DENND1B: variants seen among roughly 807,000 people sequenced by gnomAD.
DENND1B encodes the protein DENN domain-containing protein 1B.
In DENND1B, 59 loss-of-function variants were observed where a neutral mutation model predicts 90.1. That is an observed-to-expected ratio of 0.65 (90% CI 0.53 to 0.81). The LOEUF is 0.81. DENND1B is among the 40% of genes least tolerant of loss of function. The pLI, the probability that DENND1B is intolerant of heterozygous loss-of-function variation, is 0.00. For missense variants in DENND1B, 862 were observed against 912.6 expected (o/e 0.94, Z 0.71); for synonymous variants, 337 against 324.6 (o/e 1.04, Z -0.41).
At chr1:197,521,826 T>C (rs925485379) in intron 20 of DENND1B, among the ~76,000 whole-genome samples, 1 of 152,058 alleles carries the variant, frequency 6.6e-6, no homozygotes, top group African/African-American at 2.4e-5. Context: ...CTGTATTTTA[T>C]TTCATTTAAA....
rs763224056 is a variant in DENND1B, at chr1:197,507,294, G to C, written c.*3166C>G. 2.7e-5 allele frequency: 4 copies of C among 150,766 alleles called. No individual in the cohort carries two copies. Among genetic ancestry groups the C allele is most frequent in the Non-Finnish European group, 4.4e-5 (3 of 67,422 alleles). The allele number at this position is 150,766 out of a possible 1,614,324, so 9.3% of individuals were successfully genotyped here. ...TCCTCAGTTACTGTACCCTGCATAT[G>C]ACTGGTACAAAAAGTCAATGAATAG... On this transcript the variant is annotated 3_prime_UTR_variant, in exon 23 of 23. Coordinates refer to ENST00000620048, the MANE Select transcript of DENND1B (RefSeq NM_001195215.2).
At position 197,635,991 on chromosome 1, in the gene DENND1B, GA is replaced by G. The variant is rs1253576465; in HGVS notation, c.672+6719del. ...AACAAGATTAAAAAAAAAAAAGAAA[GA>G]AAAAAAAACCCGCCCTGATAACTTT... is the stretch of plus-strand genomic sequence containing the variant. On this transcript the variant is annotated intron_variant, in intron 10 of 22. Coordinates refer to ENST00000620048, the MANE Select transcript of DENND1B (RefSeq NM_001195215.2). Among the ~76,000 whole-genome samples the G allele has an allele frequency of 2.7e-5, 4 of 147,226 alleles. No homozygotes were observed. In the South Asian group the frequency reaches 6.5e-4, roughly 24 times the overall value.
At chr1:197,725,247 C>T (rs2102290941) in intron 2 of DENND1B, among the ~76,000 whole-genome samples, 1 of 152,178 alleles carries the variant, frequency 6.6e-6, no homozygotes, top group South Asian at 2.1e-4. Flanking sequence ...AAACTACATA[C>T]ATTATTACAT....
intron 2 of DENND1B, chr1:197,735,410 C>T (rs1662548423): frequency 1.4e-6 from 2 of 1,421,166 alleles, no homozygotes; most frequent in Non-Finnish European, 1.8e-6. Context: ...TCAGAGAATT[C>T]ACTGTTAAAA....
chr1:197,544,342 G>A (rs1422199124), intron 18 of DENND1B, among the ~76,000 whole-genome samples: 1 of 152,128 alleles, frequency 6.6e-6, no homozygotes, highest in East Asian at 1.9e-4. Flanking sequence ...GCTTGAGCAA[G>A]AATCAAAGGG....
chr1:197,578,938 A>AT (rs1673947384), intron 15 of DENND1B, among the ~76,000 whole-genome samples: 1 of 151,824 alleles, frequency 6.6e-6, no homozygotes, highest in Non-Finnish European at 1.5e-5. Context: ...TAATTTTTGT[A>AT]TTTTTTGTAG....
chr1:197,746,518 A>G (rs970457065), intron 2 of DENND1B, among the ~76,000 whole-genome samples: 1 of 152,186 alleles, frequency 6.6e-6, no homozygotes, highest in African/African-American at 2.4e-5. Context: ...CTATTTTTCT[A>G]TATTTTTTCT....
rs1679382726 is a variant in DENND1B, at chr1:197,632,139, G to A, written c.672+10572C>T. Among the ~76,000 whole-genome samples, 3 of 152,022 alleles carry A rather than the reference G, an allele frequency of 2.0e-5. No individual in the cohort carries two copies. The South Asian group carries it at 6.2e-4, about 32-fold the overall frequency. ...TCTTTTAACTGATCTCCTGTCAGCT[G>A]GATTCCCCCTACTGCATTTCTTCTT... On this transcript the variant is annotated intron_variant, in intron 10 of 22. Transcript: ENST00000620048.
intron 15 of DENND1B, among the ~76,000 whole-genome samples, chr1:197,577,285 T>TA (rs1436394796): frequency 1.3e-5 from 2 of 152,264 alleles, no homozygotes; most frequent in African/African-American, 4.8e-5. Context: ...CCACTTGCCA[T>TA]AGCTACATTG....
At chr1:197,552,867 C>T (rs1671356142) in intron 16 of DENND1B, 155 bp downstream of exon 16, 3 of 1,404,648 alleles carry the variant, frequency 2.1e-6, no homozygotes, top group Admixed American at 6.9e-5. Flanking sequence ...AAGCTAATTC[C>T]ATAGCTTTTA....
intron 2 of DENND1B, among the ~76,000 whole-genome samples, chr1:197,760,634 C>T (rs1478195983): frequency 7.0e-6 from 1 of 142,296 alleles, no homozygotes; most frequent in Non-Finnish European, 1.5e-5. Context: ...AGAGTGAGAC[C>T]TTGTCTCAAA....
chr1:197,516,719 G>A (rs1437864795), intron 20 of DENND1B, among the ~76,000 whole-genome samples: 1 of 151,622 alleles, frequency 6.6e-6, no homozygotes, highest in African/African-American at 2.4e-5. Flanking sequence ...ATTCTTAAGG[G>A]TGCCAATACC....
intron 15 of DENND1B, among the ~76,000 whole-genome samples, chr1:197,575,364 A>T (rs1673576625): frequency 6.6e-6 from 1 of 152,248 alleles, no homozygotes; most frequent in Non-Finnish European, 1.5e-5. Context: ...GAGAAATGCA[A>T]ATCAAAACCA....
intron 15 of DENND1B, among the ~76,000 whole-genome samples, chr1:197,565,998 T>C (rs1351190826): frequency 6.6e-6 from 1 of 151,906 alleles, no homozygotes; most frequent in Non-Finnish European, 1.5e-5. Flanking sequence ...CCTTTGGGTA[T>C]ATACCCAGTA....
intron 6 of DENND1B, among the ~76,000 whole-genome samples, chr1:197,656,825 A>C (rs1653881175): frequency 6.6e-6 from 1 of 151,754 alleles, no homozygotes; most frequent in Admixed American, 6.6e-5. Flanking sequence ...TAAAAAAAAA[A>C]TCAAAGATTA....
chr1:197,598,748 T>C (rs1675933923), intron 13 of DENND1B, among the ~76,000 whole-genome samples: 1 of 151,882 alleles, frequency 6.6e-6, no homozygotes, highest in African/African-American at 2.4e-5. Context: ...TCTCTTTTTA[T>C]TCTTAAGAAA....
intron 3 of DENND1B, among the ~76,000 whole-genome samples, chr1:197,693,679 A>C (rs1658139391): frequency 1.3e-5 from 2 of 151,582 alleles, no homozygotes; most frequent in Admixed American, 1.3e-4. Context: ...AAGATTTCAA[A>C]TTATCATTTT....
intron 18 of DENND1B, among the ~76,000 whole-genome samples, chr1:197,544,798 GGAA>G (rs144658441): frequency 1.4e-3 from 147 of 104,466 alleles, no homozygotes; most frequent in Admixed American, 1.5e-3. Flanking sequence ...AAGAAGAGGA[GGAA>G]GAAGAAGAAG....
At chr1:197,599,912 C>T (rs919279976) in intron 13 of DENND1B, among the ~76,000 whole-genome samples, 3 of 151,868 alleles carry the variant, frequency 2.0e-5, no homozygotes, top group Admixed American at 6.6e-5. Flanking sequence ...ACAAGAACTA[C>T]ACATCTTTTA....
Sources: gnomAD v4.1 joint callset for allele counts (sites outside exome capture counted in the v4.1 genomes callset) on GRCh38, gnomAD v4.1.1 for gene constraint, MANE v1.5 for transcripts, NCBI Gene and HGNC (gene_info 2026-07-23, HGNC 2026-07-21) for gene names.